The following ZNF407 variants were observed in gnomAD, a reference collection of about 807,000 sequenced individuals.
ZNF407 encodes zinc finger protein 407.
In ZNF407, 17 loss-of-function variants were observed where a neutral mutation model predicts 131.2. That is an observed-to-expected ratio of 0.13 (90% confidence interval 0.09 to 0.19). The LOEUF (loss-of-function observed/expected upper bound fraction) is 0.19. Ranked by LOEUF, ZNF407 falls within the 10% of genes least tolerant of loss-of-function variation. The pLI is 1.00. For synonymous variants in ZNF407, 1,156 were observed against 1,062.0 expected, an observed-to-expected ratio of 1.09 and a Z score of -1.72; for missense variants, 2,681 against 2,830.6, an observed-to-expected ratio of 0.95 and a Z score of 1.20.
intron 4 of ZNF407, among the ~76,000 whole-genome samples, chr18:74,828,623 C>T (rs1018094398): frequency 2.6e-5 from 4 of 152,164 alleles, no homozygotes; most frequent in African/African-American, 9.7e-5. Context: ...CTGTTCTTTC[C>T]ACCACTGTAT....
chr18:74,849,631 C>G (rs1463507237), intron 4 of ZNF407, among the ~76,000 whole-genome samples: 1 of 152,160 alleles, frequency 6.6e-6, no homozygotes, highest in Non-Finnish European at 1.5e-5. Context: ...CCTCCGTGCT[C>G]TTCAGTCTTT....
intron 3 of ZNF407, among the ~76,000 whole-genome samples, chr18:74,739,109 G>A (rs1968488681): frequency 6.6e-6 from 1 of 150,914 alleles, no homozygotes; most frequent in Non-Finnish European, 1.5e-5. Flanking sequence ...TATTTCATAC[G>A]GCCACAGAAT....
At chr18:74,937,522 A>G (rs540111352) in intron 8 of ZNF407, among the ~76,000 whole-genome samples, 1 of 152,312 alleles carries the variant, frequency 6.6e-6, no homozygotes, top group East Asian at 1.9e-4. Flanking sequence ...AAATGTCACC[A>G]TCCCAAAAGT....
At chr18:74,707,410 T>G (rs1481522768) in intron 3 of ZNF407, among the ~76,000 whole-genome samples, 1 of 152,234 alleles carries the variant, frequency 6.6e-6, no homozygotes, top group Non-Finnish European at 1.5e-5. Flanking sequence ...GTTTCAGACT[T>G]CAAATTTTTT....
intron 4 of ZNF407, among the ~76,000 whole-genome samples, chr18:74,812,512 A>AT (rs1371415311): frequency 6.6e-6 from 1 of 151,664 alleles, no homozygotes; most frequent in Non-Finnish European, 1.5e-5. Context: ...TGCTTTTATG[A>AT]TTTTGTCTTT....
intron 7 of ZNF407, chr18:74,905,902 C>A (rs897480967): frequency 2.0e-5 from 3 of 152,182 alleles, no homozygotes; most frequent in Non-Finnish European, 4.4e-5. Flanking sequence ...TTTGTGATTA[C>A]CTCAGATTGC....
chr18:74,759,948 GTCTCTC>G (rs10662564), intron 3 of ZNF407, among the ~76,000 whole-genome samples: 81 of 142,950 alleles, frequency 5.7e-4, no homozygotes, highest in East Asian at 1.8e-3. Flanking sequence ...TACTTTACAT[GTCTCTC>G]TCTCTCTCTC....
At chr18:74,651,092 G>A (rs1985206899) in intron 3 of ZNF407, among the ~76,000 whole-genome samples, 1 of 152,224 alleles carries the variant, frequency 6.6e-6, no homozygotes, top group African/African-American at 2.4e-5. Context: ...TAGTCTTGAT[G>A]TGTTAGAGAG....
chr18:74,946,173 A>G (rs896308230), intron 8 of ZNF407, among the ~76,000 whole-genome samples: 1 of 152,256 alleles, frequency 6.6e-6, no homozygotes, highest in African/African-American at 2.4e-5. Flanking sequence ...AACCTTTTAT[A>G]TAACAAACCA....
intron 7 of ZNF407, among the ~76,000 whole-genome samples, chr18:74,897,849 C>T (rs1279458672): frequency 1.3e-5 from 2 of 152,132 alleles, no homozygotes; most frequent in Non-Finnish European, 2.9e-5. Context: ...GTAGACTCAG[C>T]TGTGGATCTG....
At chr18:74,642,891 A>T (rs1455840981) in intron 3 of ZNF407, among the ~76,000 whole-genome samples, 1 of 152,136 alleles carries the variant, frequency 6.6e-6, no homozygotes, top group Admixed American at 6.6e-5. Context: ...CAGACTAGGA[A>T]ATAATTGTTC....
At chr18:74,636,117 A>G (rs1984451511) in intron 2 of ZNF407, among the ~76,000 whole-genome samples, 1 of 152,194 alleles carries the variant, frequency 6.6e-6, no homozygotes, top group Non-Finnish European at 1.5e-5. Context: ...TTCTTACAAT[A>G]TCAGGGATGT....
Position 74,915,477 on chromosome 18 carries a change from A to AGTGT in ZNF407, c.5250-5020_5250-5017dup, listed in dbSNP as rs35034618. 8.0e-5 allele frequency among the ~76,000 whole-genome samples: 7 copies of AGTGT among 87,258 alleles called. 1 individual carries two copies. The highest frequency in any genetic ancestry group is 3.6e-4 in the African/African-American group (7 of 19,432). 57.2% of individuals were successfully genotyped at this position (87,258 alleles called of 152,430 possible). Reference sequence around the variant, plus strand: ...GTGTGCAGCATTGGTTCGAATCGGGAGTGTGTGTGTGTGTGTGTGTTCATG... The same window carrying AGTGT: ...GTGTGCAGCATTGGTTCGAATCGGGAGTGTGTGTGTGTGTGTGTGTGTGTTCATG... On this transcript the variant is annotated intron_variant, in intron 7 of 8. Coordinates refer to ENST00000299687, the MANE Select transcript of ZNF407 (RefSeq NM_017757.3).
At chr18:74,776,313 C>T (rs908830772) in intron 3 of ZNF407, among the ~76,000 whole-genome samples, 4 of 152,162 alleles carry the variant, frequency 2.6e-5, no homozygotes, top group African/African-American at 9.7e-5. Context: ...CAATAAATGT[C>T]TGTTCTTTAT....
intron 3 of ZNF407, among the ~76,000 whole-genome samples, chr18:74,754,795 C>A (rs940744465): frequency 3.9e-5 from 6 of 152,026 alleles, no homozygotes; most frequent in Non-Finnish European, 8.8e-5. Context: ...GGAATAAGTG[C>A]GATGTGATGC....
intron 4 of ZNF407, among the ~76,000 whole-genome samples, chr18:74,832,783 G>A (rs578254110): frequency 2.0e-5 from 3 of 152,196 alleles, no homozygotes; most frequent in African/African-American, 7.2e-5. Flanking sequence ...TTTATGACCT[G>A]TTTCTTACAC....
chr18:74,905,212 T>C (rs1971579987), intron 7 of ZNF407: 1 of 152,244 alleles, frequency 6.6e-6, no homozygotes, highest in East Asian at 1.9e-4. Context: ...AGTCAACACA[T>C]AGGAAGGTAG....
chr18:74,706,981 A>G (rs1967641270), intron 3 of ZNF407, among the ~76,000 whole-genome samples: 1 of 140,878 alleles, frequency 7.1e-6, no homozygotes, highest in Non-Finnish European at 1.5e-5. Context: ...ATGGAGTCTC[A>G]CGCATTGTCG....
chr18:74,697,218 A>G (rs1488343353), intron 3 of ZNF407, among the ~76,000 whole-genome samples: 1 of 152,124 alleles, frequency 6.6e-6, no homozygotes, highest in African/African-American at 2.4e-5. Context: ...CTCCATTCAC[A>G]TTAGCTTTTT....
Sources: gnomAD v4.1 joint callset for allele counts (sites outside exome capture counted in the v4.1 genomes callset) on GRCh38, gnomAD v4.1.1 for gene constraint, MANE v1.5 for transcripts, NCBI Gene and HGNC (gene_info 2026-07-23, HGNC 2026-07-21) for gene names.